DLG2: variants seen among roughly 807,000 people sequenced by gnomAD.
DLG2 encodes the protein disks large homolog 2.
In DLG2, 45 loss-of-function variants were observed where a neutral mutation model predicts 132.5. That is an observed-to-expected ratio of 0.34 (90% CI 0.27 to 0.44). The LOEUF is 0.44. Among genes scored for constraint, DLG2 ranks in the 20% least tolerant of loss-of-function variants. DLG2 has a pLI of 1.00. For synonymous variants in DLG2, 424 were observed against 419.6 expected (o/e 1.01, Z -0.13); for missense variants, 1,045 against 1,196.9 (o/e 0.87, Z 1.87).
intron 6 of DLG2, among the ~76,000 whole-genome samples, chr11:84,890,099 T>C (rs1470491093): frequency 6.6e-6 from 1 of 152,220 alleles, no homozygotes; most frequent in Non-Finnish European, 1.5e-5. Context: ...TACAAACTTA[T>C]GAAACCCTTT....
chr11:84,728,466 C>G (rs1291654021), intron 6 of DLG2, among the ~76,000 whole-genome samples: 2 of 151,954 alleles, frequency 1.3e-5, no homozygotes, highest in African/African-American at 4.8e-5. Context: ...GATAAGCTTC[C>G]TGATGTGCTG....
At chr11:83,647,759 C>T (rs1175188761) in intron 18 of DLG2, 1 of 152,072 alleles carries the variant, frequency 6.6e-6, no homozygotes, top group Non-Finnish European at 1.5e-5. Context: ...TTAATTGTTA[C>T]TTTAGTGGAG....
At chr11:83,599,580 T>C (rs891537478) in intron 19 of DLG2, among the ~76,000 whole-genome samples, 5 of 152,208 alleles carry the variant, frequency 3.3e-5, no homozygotes. Context: ...ACCCCTTTCT[T>C]TGTGACACCA....
chr11:83,883,819 C>T (rs923957697), intron 15 of DLG2, among the ~76,000 whole-genome samples: 4 of 151,184 alleles, frequency 2.6e-5, no homozygotes, highest in African/African-American at 9.7e-5. Flanking sequence ...AAAAAAAAAC[C>T]CTTTCCCCAC....
At chr11:84,331,319 G>T (rs2098457242) in intron 7 of DLG2, among the ~76,000 whole-genome samples, 1 of 151,800 alleles carries the variant, frequency 6.6e-6, no homozygotes, top group Non-Finnish European at 1.5e-5. Context: ...AGAAATTGAG[G>T]TTCAGAGAAA....
chr11:84,779,744 A>T (rs998774222), intron 6 of DLG2, among the ~76,000 whole-genome samples: 1 of 152,196 alleles, frequency 6.6e-6, no homozygotes, highest in African/African-American at 2.4e-5. Flanking sequence ...GACTATTATG[A>T]ACAACTACAT....
At chr11:84,591,010 G>T (rs145939711) in intron 6 of DLG2, among the ~76,000 whole-genome samples, 4 of 152,172 alleles carry the variant, frequency 2.6e-5, no homozygotes, top group Admixed American at 6.5e-5. Context: ...TCTCACAATA[G>T]AGTCCACCTT....
chr11:85,117,468 T>C (rs188338949), intron 5 of DLG2, among the ~76,000 whole-genome samples: 2,389 of 152,150 alleles, frequency 0.016, 43 homozygotes, highest in Non-Finnish European at 0.024. Flanking sequence ...TTTTTGGTTA[T>C]TCTTACTGTT....
intron 18 of DLG2, among the ~76,000 whole-genome samples, chr11:83,748,709 A>T (rs1300288035): frequency 6.6e-6 from 1 of 152,198 alleles, no homozygotes; most frequent in Non-Finnish European, 1.5e-5. Context: ...AGGAACTCTC[A>T]TCTTTGTCCA....
intron 18 of DLG2, among the ~76,000 whole-genome samples, chr11:83,708,125 T>C (rs1232635557): frequency 6.6e-6 from 1 of 152,202 alleles, no homozygotes; most frequent in African/African-American, 2.4e-5. Flanking sequence ...TTGCAATAAA[T>C]ATTAGATATT....
At chr11:85,089,102 T>C (rs2068371622) in intron 6 of DLG2, among the ~76,000 whole-genome samples, 1 of 152,250 alleles carries the variant, frequency 6.6e-6, no homozygotes, top group Non-Finnish European at 1.5e-5. Flanking sequence ...ACTATTCTTT[T>C]GTATACTCAG....
At chr11:84,654,435 C>A (rs916076489) in intron 6 of DLG2, among the ~76,000 whole-genome samples, 7 of 152,114 alleles carry the variant, frequency 4.6e-5, no homozygotes, top group African/African-American at 1.4e-4. Flanking sequence ...TTTTCACCTG[C>A]TAACTATGCC....
intron 6 of DLG2, chr11:84,720,219 T>C (rs1474986219): frequency 1.9e-5 from 18 of 968,016 alleles, no homozygotes; most frequent in Non-Finnish European, 1.7e-5. Flanking sequence ...CAGGCAGACA[T>C]AAACAAGCAA....
chr11:84,907,324 T>G (rs569384353), intron 6 of DLG2, among the ~76,000 whole-genome samples: 1 of 152,186 alleles, frequency 6.6e-6, no homozygotes, highest in Non-Finnish European at 1.5e-5. Flanking sequence ...AAAATATATA[T>G]GTAAAGAAAG....
intron 6 of DLG2, among the ~76,000 whole-genome samples, chr11:85,034,891 TG>T (rs1164989724): frequency 5.3e-5 from 8 of 152,240 alleles, no homozygotes; most frequent in Non-Finnish European, 8.8e-5. Flanking sequence ...TTATTATCAT[TG>T]GGATTCTACA....
chr11:84,987,409 GA>G (rs983483064), intron 6 of DLG2, among the ~76,000 whole-genome samples: 1 of 150,908 alleles, frequency 6.6e-6, no homozygotes, highest in Non-Finnish European at 1.5e-5. Context: ...CACAGAATTA[GA>G]AAAAAAAATT....
chr11:85,317,830 T>C (rs1037132860), intron 3 of DLG2, among the ~76,000 whole-genome samples: 1 of 151,738 alleles, frequency 6.6e-6, no homozygotes, highest in African/African-American at 2.4e-5. Context: ...ACCTGAGTAA[T>C]GAAATATCTA....
chr11:84,249,675 T>A (rs1318035571), intron 8 of DLG2, among the ~76,000 whole-genome samples: 1 of 152,196 alleles, frequency 6.6e-6, no homozygotes. Flanking sequence ...TAAAGAAAGG[T>A]AGGAAGAGTA....
chr11:85,348,010 C>G (rs1361738484), intron 3 of DLG2, among the ~76,000 whole-genome samples: 9 of 106,152 alleles, frequency 8.5e-5, no homozygotes, highest in Admixed American at 1.4e-4. Flanking sequence ...GAGACAGAGT[C>G]TCGCTCTGTT....
Sources: allele counts gnomAD v4.1 joint callset (sites outside exome capture counted in the v4.1 genomes callset), GRCh38; gene constraint gnomAD v4.1.1; transcripts MANE v1.5; gene names NCBI Gene and HGNC (gene_info 2026-07-23, HGNC 2026-07-21).